Variants in RAP1GAP observed in about 807,000 individuals in gnomAD.
The protein encoded by RAP1GAP is rap1 GTPase-activating protein 1.
Under a neutral mutation model 87.2 loss-of-function variants are expected in RAP1GAP, and 35 were observed. The observed-to-expected ratio is 0.40, with a 90% CI of 0.31 to 0.53. RAP1GAP has a LOEUF of 0.53. Ranked by LOEUF, RAP1GAP falls within the 20% of genes least tolerant of loss-of-function variation. The pLI is 0.48. For synonymous variants in RAP1GAP, 375 were observed against 363.9 expected (o/e 1.03, Z -0.35); for missense variants, 734 against 898.9 (o/e 0.82, Z 2.35).
At position 21,618,033 on chromosome 1, in the gene RAP1GAP, C is replaced by T. The variant is rs867353498; in HGVS notation, c.67-61G>A. On this transcript the variant is annotated intron_variant, in intron 5 of 24. Transcript: ENST00000374765. ...TGTCCATCCTCCAGTGCCCCCAGAG[C>T]TGGCCTCTGCTTGGCCAGCCTCAGG... 10 of 1,606,746 alleles carry T rather than the reference C, an allele frequency of 6.2e-6. No individual in the cohort carries two copies. In the Middle Eastern group the frequency reaches 1.2e-3, roughly 186 times the overall value.
chr1:21,661,863 C>A (rs1019119392), intron 1 of RAP1GAP, among the ~76,000 whole-genome samples: 2 of 152,232 alleles, frequency 1.3e-5, no homozygotes, highest in African/African-American at 4.8e-5. Context: ...AATGAGGCCC[C>A]TCCAAGGGCC....
chr1:21,601,696 G>A lies in RAP1GAP; in HGVS notation c.1640C>T (p.Thr547Met), dbSNP rs371767297. The change falls in exon 20 of 25, where the codon ACG (threonine) becomes ATG (methionine). Residue 547 changes from threonine (T) to methionine (M), a missense_variant. By Grantham distance (81) the Thr-to-Met change is moderately conservative. Transcript: ENST00000374765. ...SSTQSSPEMP[T>M]TKNRAETAAQ... ...CCTGAGCCCCAACCTGTTCTTGGTC[G>A]TGGGCATCTCTGGGGAGCTCTGAGT... The A allele has an allele frequency of 9.3e-6, 15 of 1,606,732 alleles. No homozygotes were observed. Among genetic ancestry groups the A allele is most frequent in the East Asian group, 6.7e-5 (3 of 44,760 alleles).
chr1:21,636,847 A>AG (rs1571114390), intron 2 of RAP1GAP, among the ~76,000 whole-genome samples: 2 of 148,768 alleles, frequency 1.3e-5, no homozygotes, highest in East Asian at 2.0e-4. Context: ...AAGAAGAAGA[A>AG]GAAGGAGGAG....
At chr1:21,638,335 T>TA (rs1553475842) in intron 2 of RAP1GAP, among the ~76,000 whole-genome samples, 1 of 151,692 alleles carries the variant, frequency 6.6e-6, no homozygotes, top group Non-Finnish European at 1.5e-5. Context: ...CGCATGCTTG[T>TA]AATCCCAGCT....
intron 20 of RAP1GAP, 36 bp from the exon 21 acceptor site, chr1:21,599,653 C>A: frequency 6.3e-7 from 1 of 1,584,618 alleles, no homozygotes; most frequent in Non-Finnish European, 8.6e-7. Flanking sequence ...CGGTGTCCAC[C>A]CCGAGCCCCT....
At chr1:21,612,863 G>C (rs1247263759) in intron 10 of RAP1GAP, among the ~76,000 whole-genome samples, 4 of 152,232 alleles carry the variant, frequency 2.6e-5, no homozygotes, top group Admixed American at 6.5e-5. Flanking sequence ...ACCCATTCCA[G>C]GGGAGGACTA....
At chr1:21,648,142 T>G (rs563143181) in intron 2 of RAP1GAP, among the ~76,000 whole-genome samples, 64 of 152,220 alleles carry the variant, frequency 4.2e-4, no homozygotes, top group Middle Eastern at 3.4e-3. Flanking sequence ...GCATTTTGGG[T>G]AATGGGGCGT....
intron 2 of RAP1GAP, among the ~76,000 whole-genome samples, chr1:21,638,112 C>T (rs1467950013): frequency 1.4e-5 from 2 of 147,920 alleles, no homozygotes; most frequent in Admixed American, 1.4e-4. Context: ...CATTGCACCA[C>T]TGTACTTCAG....
intron 1 of RAP1GAP, among the ~76,000 whole-genome samples, chr1:21,650,048 C>T (rs1281530916): frequency 7.4e-6 from 1 of 134,738 alleles, no homozygotes; most frequent in Non-Finnish European, 1.6e-5. Context: ...GGGCAGGGGG[C>T]AGGGCTGTGG....
At chr1:21,661,674 T>G (rs928447389) in intron 1 of RAP1GAP, among the ~76,000 whole-genome samples, 3 of 152,246 alleles carry the variant, frequency 2.0e-5, no homozygotes, top group African/African-American at 7.2e-5. Flanking sequence ...GGATTCAGTG[T>G]AAACTGCTCA....
At chr1:21,604,443 G>A (rs935527069) in intron 18 of RAP1GAP, among the ~76,000 whole-genome samples, 1 of 152,102 alleles carries the variant, frequency 6.6e-6, no homozygotes, top group Admixed American at 6.5e-5. Context: ...AAAAAACAAG[G>A]AGAGAGAGTA....
At position 21,668,046 on chromosome 1, in the gene RAP1GAP, T is replaced by C. The variant is rs917119194; in HGVS notation, c.-149+1208A>G. ...CACAGCCCTCAGGGCCCTGTGCCAGTCCAGAAGCCCATTCAGGGACACCTT... is the reference window on the plus strand; with the variant it reads ...CACAGCCCTCAGGGCCCTGTGCCAGCCCAGAAGCCCATTCAGGGACACCTT... On this transcript the variant is annotated intron_variant, in intron 1 of 24. Transcript: ENST00000374765. The surrounding 1 kb of genome is among the most constrained non-coding windows in gnomAD (Gnocchi z 6.2). Among the ~76,000 whole-genome samples, 1 of 152,142 alleles carries C rather than the reference T, an allele frequency of 6.6e-6. No homozygotes were observed. The highest frequency in any genetic ancestry group is 6.5e-5 in the Admixed American group (1 of 15,278).
chr1:21,653,489 A>G (rs913917434), intron 1 of RAP1GAP, among the ~76,000 whole-genome samples: 1 of 151,982 alleles, frequency 6.6e-6, no homozygotes, highest in Non-Finnish European at 1.5e-5. Context: ...ACACCAGGGC[A>G]GGCTCCTGAG....
intron 2 of RAP1GAP, among the ~76,000 whole-genome samples, chr1:21,641,891 C>T (rs189637286): frequency 6.6e-6 from 1 of 152,298 alleles, no homozygotes; most frequent in African/African-American, 2.4e-5. Flanking sequence ...TGATGTTTCT[C>T]TAGGTCACTT....
intron 1 of RAP1GAP, among the ~76,000 whole-genome samples, chr1:21,652,929 T>C (rs2096677869): frequency 1.3e-5 from 2 of 152,174 alleles, no homozygotes; most frequent in Non-Finnish European, 2.9e-5. Context: ...TGCTATGGGA[T>C]TTTCTGTTTA....
At chr1:21,635,474 G>C (rs530252941) in intron 2 of RAP1GAP, among the ~76,000 whole-genome samples, 1 of 152,280 alleles carries the variant, frequency 6.6e-6, no homozygotes, top group Admixed American at 6.5e-5. Flanking sequence ...GGATCAGAGT[G>C]GGGTGAACCA....
chr1:21,647,839 GCTGGAGGTGTGGCGAGGGC>G lies in RAP1GAP; in HGVS notation c.-113+1903_-113+1921del, dbSNP rs566734942. ...ACCCAACAAATGGTGACAAAGTTGG[GCTGGAGGTGTGGCGAGGGC>G]CTGTGGAAATGGAAGTGGAGGGACA... On this transcript the variant is annotated intron_variant, in intron 2 of 24. Coordinates refer to ENST00000374765, the MANE Select transcript of RAP1GAP (RefSeq NM_002885.4). Among the ~76,000 whole-genome samples, 699 of 152,346 alleles carry G rather than the reference GCTGGAGGTGTGGCGAGGGC, an allele frequency of 4.6e-3. 4 individuals carry two copies. The highest frequency in any genetic ancestry group is 7.3e-3 in the Admixed American group (112 of 15,306).
intron 7 of RAP1GAP, 54 bp downstream of exon 7, chr1:21,617,252 G>A (rs1436571274): frequency 1.3e-6 from 2 of 1,536,318 alleles, no homozygotes; most frequent in East Asian, 2.4e-5. Flanking sequence ...ACCTCGAATG[G>A]GGCTGAACTG....
rs1244923177 is a variant in RAP1GAP at position 21,613,845 on chromosome 1, G to C, written c.396-139C>G. 3.6e-6 allele frequency: 4 copies of C among 1,125,982 alleles called. No homozygotes were observed. The Admixed American group carries it at 7.9e-5, about 22-fold the overall frequency. 69.7% of individuals were successfully genotyped at this position (1,125,982 alleles called of 1,614,324 possible). ...GATGATGGGTGTCAGGCTGACTCGG[G>C]TACTAACTTGCTGTGCAACCTCAAG... On this transcript the variant is annotated intron_variant, in intron 8 of 24. Coordinates refer to ENST00000374765, the MANE Select transcript of RAP1GAP (RefSeq NM_002885.4). The surrounding 1 kb of genome is among the most constrained non-coding windows in gnomAD (Gnocchi z 4.7).
Sources: allele counts gnomAD v4.1 joint callset (sites outside exome capture counted in the v4.1 genomes callset), GRCh38; gene constraint gnomAD v4.1.1; non-coding constraint Gnocchi (gnomAD v3.1); transcripts MANE v1.5; gene names NCBI Gene and HGNC (gene_info 2026-07-23, HGNC 2026-07-21).